OLFM2: variants seen among roughly 807,000 people sequenced by gnomAD.
OLFM2 encodes olfactomedin 2.
A neutral mutation model predicts 43.9 loss-of-function variants in OLFM2; 20 were observed. The observed-to-expected ratio is 0.46, with a 90% CI of 0.32 to 0.66. The LOEUF is 0.66. OLFM2 is among the 30% of genes least tolerant of loss of function. OLFM2 has a pLI of 0.04. For missense variants in OLFM2, 416 were observed against 643.6 expected, an observed-to-expected ratio of 0.65 and a Z score of 3.83; for synonymous variants, 268 against 278.6, an observed-to-expected ratio of 0.96 and a Z score of 0.38.
intron 1 of OLFM2, among the ~76,000 whole-genome samples, chr19:9,888,890 C>A (rs971891711): frequency 1.3e-5 from 2 of 151,962 alleles, no homozygotes; most frequent in East Asian, 3.9e-4. Flanking sequence ...CACGGTGAAA[C>A]CCCGTCTCTA....
In OLFM2 at chr19:9,854,332, C is replaced by T; in HGVS notation, c.1219G>A (p.Asp407Asn). ...FTNTSSYEYT[D>N]VPFHNQYSHI... The stretch of plus-strand genomic sequence containing the variant: ...GAATACTGGTTGTGGAAGGGCACGT[C>T]CGTGTACTCGTAACTGGACGTGTTG... Residue 407 changes from aspartate to asparagine, a missense_variant, in exon 6 of 6, where the codon GAC becomes AAC. Asp to Asn is a conservative substitution (Grantham distance 23). Transcript: ENST00000264833. The surrounding 1 kb of genome is among the most constrained non-coding windows in gnomAD (Gnocchi z 9.5). The T allele has an allele frequency of 6.2e-7, 1 of 1,614,190 alleles. No individual in the cohort carries two copies. The highest frequency in any genetic ancestry group is 8.5e-7 in the Non-Finnish European group (1 of 1,180,040).
At chr19:9,889,174 G>C (rs1184655466) in intron 1 of OLFM2, among the ~76,000 whole-genome samples, 2 of 152,120 alleles carry the variant, frequency 1.3e-5, no homozygotes, top group African/African-American at 2.4e-5. Context: ...GGGTGTGCTT[G>C]GGTCATGGGT....
intron 2 of OLFM2, among the ~76,000 whole-genome samples, chr19:9,859,676 C>T (rs573250292): frequency 1.3e-5 from 2 of 152,260 alleles, no homozygotes; most frequent in South Asian, 2.1e-4. Context: ...TTAGACCCTC[C>T]CCAAGGGGCA....
chr19:9,864,265 C>T (rs1324917483), intron 1 of OLFM2, among the ~76,000 whole-genome samples: 8 of 152,312 alleles, frequency 5.3e-5, no homozygotes, highest in Non-Finnish European at 1.2e-4. Context: ...ACAGCAGCAA[C>T]CTGCTCATTA....
intron 1 of OLFM2, among the ~76,000 whole-genome samples, chr19:9,901,303 G>C (rs1312226413): frequency 6.6e-6 from 1 of 152,076 alleles, no homozygotes; most frequent in African/African-American, 2.4e-5. Context: ...GCCTGTGCCT[G>C]TAATTCCAAC....
chr19:9,882,626 C>CA (rs2046548898), intron 1 of OLFM2, among the ~76,000 whole-genome samples: 1 of 149,526 alleles, frequency 6.7e-6, no homozygotes, highest in Non-Finnish European at 1.5e-5. Context: ...GGAATGTGGT[C>CA]AGGGGCTGGG....
intron 1 of OLFM2, among the ~76,000 whole-genome samples, chr19:9,900,970 GGAAGGAAGGAAGGAAGGA>G (rs1568380478): frequency 1.5e-4 from 7 of 45,950 alleles, no homozygotes; most frequent in African/African-American, 1.2e-3. Flanking sequence ...AAGGAAGGAA[GGAAGGAAGGAAGGAAGGA>G]AGGGAGGGAG....
At chr19:9,867,735 A>G (rs1022920825) in intron 1 of OLFM2, among the ~76,000 whole-genome samples, 10 of 152,180 alleles carry the variant, frequency 6.6e-5, no homozygotes, top group Admixed American at 6.6e-5. Context: ...CCAAGCCATT[A>G]CAGTTTCTGC....
rs71188848 is a variant in OLFM2 at position 9,873,796 on chromosome 19, ATTTTTTTTTTTTT to A, written c.64-13015_64-13003del. On this transcript the variant is annotated intron_variant, in intron 1 of 5. Coordinates refer to ENST00000264833, the MANE Select transcript of OLFM2 (RefSeq NM_058164.4). ...CGATGTACACTATCATGCCCAGCTA[ATTTTTTTTTTTTT>A]TTTTTTTTTTTTTTTTTTTTTTGTA... Among the ~76,000 whole-genome samples the A allele has an allele frequency of 1.7e-4, 12 of 70,482 alleles. No homozygotes were observed. In the East Asian group the frequency reaches 3.2e-3, roughly 19 times the overall value. The allele number at this position is 70,482 out of a possible 152,430, so 46.2% of individuals were successfully genotyped here.
chr19:9,871,957 G>C (rs1232737704), intron 1 of OLFM2, among the ~76,000 whole-genome samples: 1 of 152,222 alleles, frequency 6.6e-6, no homozygotes, highest in African/African-American at 2.4e-5. Flanking sequence ...GCTTGCTTCT[G>C]TTGTTCGTCC....
chr19:9,907,403 A>C (rs2046794301), intron 1 of OLFM2, among the ~76,000 whole-genome samples: 1 of 152,086 alleles, frequency 6.6e-6, no homozygotes, highest in Admixed American at 6.6e-5. Flanking sequence ...GGGAGATCGC[A>C]GTGGGCCAAG....
intron 1 of OLFM2, among the ~76,000 whole-genome samples, chr19:9,888,676 C>T (rs2046610680): frequency 6.6e-6 from 1 of 152,218 alleles, no homozygotes; most frequent in South Asian, 2.1e-4. Flanking sequence ...TCCAGAACGT[C>T]AGGCAGGAGT....
chr19:9,857,194 A>C lies in OLFM2; in HGVS notation c.580+69T>G. ...AAAACTGTGTCCAGCTTCTAGGCAC[A>C]AACAGGTGATACTGGAGTTGGGTGT... On this transcript the variant is annotated intron_variant, in intron 4 of 5. Transcript: ENST00000264833. This position sits in a 1 kb window ranked among gnomAD's most constrained non-coding sequence, Gnocchi z 5.7. 1 of 1,441,726 alleles carries C rather than the reference A, an allele frequency of 6.9e-7. No homozygotes were observed. The highest frequency in any genetic ancestry group is 9.7e-7 in the Non-Finnish European group (1 of 1,028,426). 89.3% of individuals were successfully genotyped at this position (1,441,726 alleles called of 1,614,324 possible).
intron 1 of OLFM2, among the ~76,000 whole-genome samples, chr19:9,925,527 C>T (rs2086447401): frequency 6.6e-6 from 1 of 152,022 alleles, no homozygotes; most frequent in Non-Finnish European, 1.5e-5. Flanking sequence ...TGGCGCACTG[C>T]AGCCTTGACC....
chr19:9,895,500 A>G (rs2046675859), intron 1 of OLFM2, among the ~76,000 whole-genome samples: 1 of 151,974 alleles, frequency 6.6e-6, no homozygotes, highest in Admixed American at 6.6e-5. Context: ...GTCTCAAATA[A>G]ATAAATAAAT....
intron 1 of OLFM2, chr19:9,913,716 G>T (rs1244827840): frequency 2.1e-5 from 22 of 1,063,376 alleles, no homozygotes; most frequent in African/African-American, 3.4e-5. Context: ...CCCCGGGGGG[G>T]CGTGGGGGAG....
At chr19:9,923,828 G>A (rs1448071062) in intron 1 of OLFM2, among the ~76,000 whole-genome samples, 2 of 151,808 alleles carry the variant, frequency 1.3e-5, no homozygotes, top group African/African-American at 4.8e-5. Context: ...AGCTGGGCGT[G>A]GTGCCTCACG....
intron 2 of OLFM2, chr19:9,858,150 C>T: frequency 2.0e-6 from 1 of 506,544 alleles, no homozygotes; most frequent in Non-Finnish European, 3.6e-6. Context: ...ATTCTCTACA[C>T]AGCAGACAGA....
intron 1 of OLFM2, among the ~76,000 whole-genome samples, chr19:9,920,638 G>C (rs1359327004): frequency 6.6e-6 from 1 of 151,728 alleles, no homozygotes; most frequent in East Asian, 1.9e-4. Context: ...GCTCATGCCT[G>C]TAATCCCAGC....
Sources: allele counts gnomAD v4.1 joint callset (sites outside exome capture counted in the v4.1 genomes callset), GRCh38; gene constraint gnomAD v4.1.1; non-coding constraint Gnocchi (gnomAD v3.1); transcripts MANE v1.5; gene names NCBI Gene and HGNC (gene_info 2026-07-23, HGNC 2026-07-21).